Variants in PPP4R4 observed in about 807,000 individuals in gnomAD.
PPP4R4 encodes the protein serine/threonine-protein phosphatase 4 regulatory subunit 4.
PPP4R4 carries 70 observed loss-of-function variants against 121.8 expected under a neutral mutation model. That is an observed-to-expected ratio of 0.57 (90% CI 0.47 to 0.70). The LOEUF (loss-of-function observed/expected upper bound fraction) is 0.70, where lower values mean the gene tolerates loss of function less well. Among genes scored for constraint, PPP4R4 ranks in the 30% least tolerant of loss-of-function variants. The probability of loss-of-function intolerance (pLI) is 0.00; values close to 1 mark genes in which losing one functional copy is unlikely to be tolerated. For synonymous variants in PPP4R4, 348 were observed against 355.7 expected (o/e 0.98, Z 0.24); for missense variants, 875 against 1,033.6 (o/e 0.85, Z 2.10).
At chr14:94,225,667 A>G (rs1190075144) in intron 3 of PPP4R4, among the ~76,000 whole-genome samples, 2 of 152,184 alleles carry the variant, frequency 1.3e-5, no homozygotes, top group Admixed American at 6.5e-5. Context: ...GTGAGTGTAT[A>G]TAGTCAACAG....
intron 3 of PPP4R4, among the ~76,000 whole-genome samples, chr14:94,228,732 T>G (rs1024975202): frequency 2.8e-4 from 42 of 152,160 alleles, no homozygotes; most frequent in Non-Finnish European, 1.2e-4. Context: ...AAGAGACATT[T>G]AGTCACCCGG....
At chr14:94,234,036 G>A (rs1018477881) in intron 6 of PPP4R4, among the ~76,000 whole-genome samples, 13 of 152,018 alleles carry the variant, frequency 8.6e-5, no homozygotes, top group Non-Finnish European at 1.2e-4. Flanking sequence ...ATAAAATAGC[G>A]TTATCTTATT....
chr14:94,218,653 T>TGC (rs1404984040), intron 3 of PPP4R4, among the ~76,000 whole-genome samples: 3 of 59,206 alleles, frequency 5.1e-5, no homozygotes, highest in African/African-American at 2.1e-4. Flanking sequence ...CTCTAGACAC[T>TGC]GCGCGCGCGC....
intron 23 of PPP4R4, among the ~76,000 whole-genome samples, chr14:94,274,357 G>T (rs1894517902): frequency 6.6e-6 from 1 of 151,990 alleles, no homozygotes; most frequent in Non-Finnish European, 1.5e-5. Flanking sequence ...GCAAGGCATA[G>T]ATTTGGAGGA....
intron 8 of PPP4R4, 110 bp downstream of exon 8, chr14:94,237,796 T>G: frequency 7.7e-7 from 1 of 1,303,832 alleles, no homozygotes; most frequent in South Asian, 1.4e-5. Context: ...TAAGCCTCCC[T>G]TCCTCTCCCT....
At chr14:94,185,248 G>C (rs952355490) in intron 2 of PPP4R4, among the ~76,000 whole-genome samples, 1 of 152,196 alleles carries the variant, frequency 6.6e-6, no homozygotes, top group Non-Finnish European at 1.5e-5. Context: ...TTTCACACTT[G>C]TAATCCCAGC....
chr14:94,231,209 T>C, intron 4 of PPP4R4, 33 bp from the exon 5 acceptor site: 1 of 1,549,536 alleles, frequency 6.5e-7, no homozygotes, highest in African/African-American at 1.4e-5. Flanking sequence ...AAGTGAGACG[T>C]TTAATTTAGT....
rs143290971 is a variant in PPP4R4, at chr14:94,206,209, A to G, written c.192-2255A>G. Among the ~76,000 whole-genome samples, 772 of 152,052 alleles carry G rather than the reference A, an allele frequency of 5.1e-3. 23 individuals carry two copies. The highest frequency in any genetic ancestry group is 0.042 in the Admixed American group (646 of 15,250). On this transcript the variant is annotated intron_variant, in intron 2 of 24. Coordinates refer to ENST00000304338, the MANE Select transcript of PPP4R4 (RefSeq NM_058237.2). Reference sequence around the variant, plus strand: ...GTGGATTCATCTCTTTTATCATTTTATAATGTCCCTGTCTGTCTCTGGTGA... The same window carrying G: ...GTGGATTCATCTCTTTTATCATTTTGTAATGTCCCTGTCTGTCTCTGGTGA...
chr14:94,274,887 G>A (rs1894549805), intron 23 of PPP4R4, among the ~76,000 whole-genome samples: 1 of 152,054 alleles, frequency 6.6e-6, no homozygotes, highest in Admixed American at 6.6e-5. Flanking sequence ...GAAAAAAATA[G>A]AAATGTCTAT....
intron 24 of PPP4R4, among the ~76,000 whole-genome samples, chr14:94,277,484 T>TAA (rs1894709470): frequency 2.0e-5 from 3 of 152,212 alleles, no homozygotes; most frequent in African/African-American, 7.2e-5. Context: ...AGGTGCCTTC[T>TAA]AGCTCTGGCA....
chr14:94,201,441 A>G (rs1198323559), intron 2 of PPP4R4, among the ~76,000 whole-genome samples: 2 of 152,064 alleles, frequency 1.3e-5, no homozygotes, highest in African/African-American at 2.4e-5. Context: ...GTCCCCCACT[A>G]TTATTGTGCT....
intron 16 of PPP4R4, among the ~76,000 whole-genome samples, chr14:94,255,213 A>G (rs1278036453): frequency 1.3e-5 from 2 of 152,198 alleles, no homozygotes; most frequent in African/African-American, 4.8e-5. Flanking sequence ...GGAAATAACC[A>G]TCACATCTGC....
Position 94,231,348 on chromosome 14 carries a change from T to A in PPP4R4, c.516+33T>A, listed in dbSNP as rs771201792. ...TTTCATGGGGGCAAATACTAATAAG[T>A]AAGTCACTCTAAGGTTTTTTTTTAA... On this transcript the variant is annotated intron_variant, in intron 5 of 24. Coordinates refer to ENST00000304338, the MANE Select transcript of PPP4R4 (RefSeq NM_058237.2). 6 of 1,519,820 alleles carry A rather than the reference T, an allele frequency of 3.9e-6. No individual in the cohort carries two copies. In the East Asian group the frequency reaches 1.4e-4, roughly 34 times the overall value. 94.1% of individuals were successfully genotyped at this position (1,519,820 alleles called of 1,614,324 possible).
rs1025525920 is a variant in PPP4R4, at chr14:94,241,803, A to T, written c.992A>T (p.Asp331Val). Residue 331 changes from aspartate to valine, a missense_variant, in exon 10 of 25, where the codon GAT becomes GTT. Coordinates refer to ENST00000304338, the MANE Select transcript of PPP4R4 (RefSeq NM_058237.2). ...CHGLYGIFTP[D>V]QHLRFLEFYK... is the part of the protein sequence containing the mutation. Reference sequence around the variant, plus strand: ...TTTGTTTTAGGAATTTTCACTCCAGATCAGCACTTGAGATTTTTGGAATTT... The same window carrying T: ...TTTGTTTTAGGAATTTTCACTCCAGTTCAGCACTTGAGATTTTTGGAATTT... The T allele has an allele frequency of 4.4e-6, 7 of 1,588,342 alleles. No individual in the cohort carries two copies. Among genetic ancestry groups the T allele is most frequent in the Non-Finnish European group, 5.1e-6 (6 of 1,172,554 alleles).
intron 2 of PPP4R4, among the ~76,000 whole-genome samples, chr14:94,183,089 C>T (rs996328747): frequency 6.6e-6 from 1 of 152,136 alleles, no homozygotes; most frequent in Non-Finnish European, 1.5e-5. Flanking sequence ...CTTGGCTACA[C>T]TGTTGGTTAG....
At chr14:94,203,615 A>G (rs891730973) in intron 2 of PPP4R4, among the ~76,000 whole-genome samples, 1 of 152,190 alleles carries the variant, frequency 6.6e-6, no homozygotes, top group African/African-American at 2.4e-5. Flanking sequence ...TGCATATTTA[A>G]TATTTTAAGA....
chr14:94,251,156 A>T (rs955875490), intron 15 of PPP4R4, among the ~76,000 whole-genome samples: 1 of 152,068 alleles, frequency 6.6e-6, no homozygotes, highest in African/African-American at 2.4e-5. Flanking sequence ...TTGAACATTT[A>T]TGTAAAAAGT....
At chr14:94,265,059 T>C (rs1893967609) in intron 20 of PPP4R4, 112 bp downstream of exon 20, 1 of 1,005,660 alleles carries the variant, frequency 9.9e-7, no homozygotes. Context: ...TGCTTTACTT[T>C]CTTTCATTTT....
intron 2 of PPP4R4, among the ~76,000 whole-genome samples, chr14:94,207,218 T>C (rs1429012352): frequency 1.3e-5 from 2 of 152,030 alleles, no homozygotes; most frequent in South Asian, 4.1e-4. Context: ...ACAAATAGTA[T>C]TTTTCTGTGC....
Sources: gnomAD v4.1 joint callset for allele counts (sites outside exome capture counted in the v4.1 genomes callset) on GRCh38, gnomAD v4.1.1 for gene constraint, MANE v1.5 for transcripts, NCBI Gene and HGNC (gene_info 2026-07-23, HGNC 2026-07-21) for gene names.